COL11A1: variants seen among roughly 807,000 people sequenced by gnomAD.
COL11A1 encodes collagen type XI alpha 1 chain.
COL11A1 carries 74 observed loss-of-function variants against 265.2 expected under a neutral mutation model. The ratio of observed to expected loss-of-function variants is 0.28; its 90% CI spans 0.23 to 0.34. COL11A1 has a LOEUF of 0.34. COL11A1 is among the 10% of genes least tolerant of loss of function. The pLI is 1.00. For synonymous variants in COL11A1, 816 were observed against 727.6 expected (o/e 1.12, Z -1.96); for missense variants, 2,165 against 2,263.6 (o/e 0.96, Z 0.88).
chr1:102,976,813 C>A (rs1398755475), intron 35 of COL11A1, among the ~76,000 whole-genome samples: 2 of 151,986 alleles, frequency 1.3e-5, no homozygotes, highest in African/African-American at 2.4e-5. Context: ...ATATAAAATT[C>A]AAATTTATCC....
At chr1:102,918,231 T>C (rs1286606423) in intron 49 of COL11A1, among the ~76,000 whole-genome samples, 1 of 151,764 alleles carries the variant, frequency 6.6e-6, no homozygotes, top group Admixed American at 6.6e-5. Context: ...AAAGCACTTG[T>C]TTAGGTACAT....
In COL11A1 at chr1:102,878,083, T is replaced by C. The variant is rs1268319757; in HGVS notation, c.5357A>G (p.Asn1786Ser). 25 of 1,613,714 alleles carry C rather than the reference T, an allele frequency of 1.5e-5. No individual in the cohort carries two copies. Among genetic ancestry groups the C allele is most frequent in the Non-Finnish European group, 2.0e-5 (24 of 1,179,730 alleles). ...DQVPIVDVMI[N>S]DFGDQNQKFG... is the part of the protein sequence containing the mutation. ...CTTCTGATTCTGATCACCAAAGTCA[T>C]TGATCATGACATCAACAATAGGTAC... The change falls in exon 67 of 67, where the codon AAT becomes AGT. Residue 1786 changes from asparagine (N) to serine (S), a missense_variant. Coordinates refer to ENST00000370096, the MANE Select transcript of COL11A1 (RefSeq NM_001854.4).
chr1:103,048,098 C>T (rs934393598), intron 4 of COL11A1, among the ~76,000 whole-genome samples: 10 of 152,174 alleles, frequency 6.6e-5, no homozygotes, highest in Non-Finnish European at 8.8e-5. Context: ...GCTTTGGTAT[C>T]AGGATGATGC....
chr1:103,039,141 ATTT>A (rs1668613435), intron 4 of COL11A1, among the ~76,000 whole-genome samples: 2 of 152,190 alleles, frequency 1.3e-5, no homozygotes, highest in African/African-American at 4.8e-5. Flanking sequence ...AGTGACTTTT[ATTT>A]ATTTTTGAAC....
chr1:103,032,007 TCCAAA>T (rs1295016816), intron 4 of COL11A1, among the ~76,000 whole-genome samples: 3 of 151,948 alleles, frequency 2.0e-5, no homozygotes, highest in African/African-American at 7.2e-5. Context: ...AAGAGAAAAA[TCCAAA>T]TATTCTGCTC....
chr1:103,043,002 C>A (rs1301852887), intron 4 of COL11A1, among the ~76,000 whole-genome samples: 1 of 140,898 alleles, frequency 7.1e-6, no homozygotes, highest in East Asian at 2.0e-4. Flanking sequence ...ATATTAAATA[C>A]ATCATATATA....
At chr1:103,034,052 A>G (rs1423637149) in intron 4 of COL11A1, among the ~76,000 whole-genome samples, 2 of 152,084 alleles carry the variant, frequency 1.3e-5, no homozygotes, top group African/African-American at 4.8e-5. Flanking sequence ...TCCACAGTAT[A>G]TGGTAGGGAA....
chr1:103,093,912 T>A (rs938989728), intron 1 of COL11A1, among the ~76,000 whole-genome samples: 1 of 152,106 alleles, frequency 6.6e-6, no homozygotes, highest in African/African-American at 2.4e-5. Context: ...GCACTGTCAA[T>A]GCTATGGAAG....
rs1288077233 is a variant in COL11A1, at chr1:102,940,390, T to C, written c.3321A>G (p.Gln1107=). Reference sequence around the variant, plus strand: ...CTGGCCCTGGGAGACCAACAGGACCTTGAACTCCATCTCTCCCTGCAGGCC... The same window carrying C: ...CTGGCCCTGGGAGACCAACAGGACCCTGAACTCCATCTCTCCCTGCAGGCC... ...PQGPAGRDGV[Q]GPVGLPGPAG... The change falls in exon 43 of 67, where the codon CAA becomes CAG. Residue 1107 remains glutamine (Q), a synonymous_variant. Transcript: ENST00000370096. The C allele has an allele frequency of 6.2e-7, 1 of 1,613,910 alleles. No individual in the cohort carries two copies. Among genetic ancestry groups the C allele is most frequent in the African/African-American group, 1.3e-5 (1 of 74,920 alleles).
intron 35 of COL11A1, among the ~76,000 whole-genome samples, chr1:102,978,093 T>C (rs189848937): frequency 6.6e-6 from 1 of 152,160 alleles, no homozygotes; most frequent in Non-Finnish European, 1.5e-5. Flanking sequence ...ATACAGATTA[T>C]AATACTTAAA....
chr1:102,921,486 A>G, intron 48 of COL11A1, 32 bp downstream of exon 48: 2 of 1,559,474 alleles, frequency 1.3e-6, no homozygotes, highest in Non-Finnish European at 1.8e-6. Context: ...ATATAACTTC[A>G]AAATAATTAA....
At chr1:103,010,736 T>G (rs1262498937) in intron 14 of COL11A1, among the ~76,000 whole-genome samples, 1 of 151,914 alleles carries the variant, frequency 6.6e-6, no homozygotes, top group Non-Finnish European at 1.5e-5. Flanking sequence ...AGTCTAGCTC[T>G]GTCGCCAAGG....
chr1:103,028,361 A>G (rs893786575), intron 5 of COL11A1, among the ~76,000 whole-genome samples: 1 of 151,320 alleles, frequency 6.6e-6, no homozygotes, highest in Admixed American at 6.6e-5. Context: ...GAGCTTATTC[A>G]CTCCTGGTTC....
intron 2 of COL11A1, among the ~76,000 whole-genome samples, chr1:103,080,002 T>C (rs1401799860): frequency 6.6e-6 from 1 of 151,918 alleles, no homozygotes; most frequent in Non-Finnish European, 1.5e-5. Flanking sequence ...TATTGTACTT[T>C]CAAATCACCA....
At chr1:102,880,242 T>G (rs539863865) in intron 65 of COL11A1, among the ~76,000 whole-genome samples, 1 of 152,188 alleles carries the variant, frequency 6.6e-6, no homozygotes, top group East Asian at 1.9e-4. Flanking sequence ...TTCTGTATCT[T>G]TTTGAAAAAA....
At chr1:103,010,500 C>G (rs550475315) in intron 14 of COL11A1, among the ~76,000 whole-genome samples, 1 of 152,088 alleles carries the variant, frequency 6.6e-6, no homozygotes, top group Non-Finnish European at 1.5e-5. Flanking sequence ...AATATTTTCT[C>G]TTTGCCAACA....
chr1:102,984,076 C>A (rs765403827), intron 31 of COL11A1, 62 bp downstream of exon 31: 3 of 1,129,584 alleles, frequency 2.7e-6, no homozygotes, highest in South Asian at 1.3e-5. Context: ...GTAAGGTAAT[C>A]ATAAGTGATT....
chr1:102,988,452 G>A (rs1400475758), intron 29 of COL11A1, among the ~76,000 whole-genome samples: 2 of 152,136 alleles, frequency 1.3e-5, no homozygotes, highest in Admixed American at 6.6e-5. Context: ...CCCCTGTCTG[G>A]ATAAATAGGC....
intron 50 of COL11A1, 26 bp from the exon 51 acceptor site, chr1:102,914,837 G>C: frequency 9.9e-7 from 1 of 1,005,576 alleles, no homozygotes; most frequent in Non-Finnish European, 1.4e-6. Flanking sequence ...AAAAAAAAAA[G>C]AAGAAGAAGG....
Sources: gnomAD v4.1 joint callset for allele counts (sites outside exome capture counted in the v4.1 genomes callset) on GRCh38, gnomAD v4.1.1 for gene constraint, MANE v1.5 for transcripts, NCBI Gene and HGNC (gene_info 2026-07-23, HGNC 2026-07-21) for gene names.